The following MYO18B variants were observed in gnomAD, a reference collection of about 807,000 sequenced individuals.
MYO18B encodes unconventional myosin-XVIIIb.
Under a neutral mutation model 273.0 loss-of-function variants are expected in MYO18B, and 204 were observed. The ratio of observed to expected loss-of-function variants is 0.75; its 90% CI spans 0.67 to 0.84. The LOEUF (loss-of-function observed/expected upper bound fraction) is 0.84, where lower values mean the gene tolerates loss of function less well. MYO18B is among the 40% of genes least tolerant of loss of function. The pLI, the probability that MYO18B is intolerant of heterozygous loss-of-function variation, is 0.00. For missense variants in MYO18B, 3,212 were observed against 3,287.6 expected (o/e 0.98, Z 0.56); for synonymous variants, 1,330 against 1,305.7 (o/e 1.02, Z -0.40).
intron 40 of MYO18B, among the ~76,000 whole-genome samples, chr22:25,993,229 C>T (rs1360767850): frequency 1.3e-5 from 2 of 152,088 alleles, no homozygotes; most frequent in Admixed American, 6.6e-5. Context: ...CCAGGCTGTC[C>T]AACTCCTGTA....
At chr22:25,767,360 C>A (rs1013962160) in intron 3 of MYO18B, among the ~76,000 whole-genome samples, 2 of 152,102 alleles carry the variant, frequency 1.3e-5, no homozygotes, top group African/African-American at 4.8e-5. Flanking sequence ...GAAACCAGGG[C>A]CCTCAGCTGG....
rs573859360 is a variant in MYO18B at position 25,866,644 on chromosome 22, TC to T, written c.3886-1674del. Among the ~76,000 whole-genome samples the T allele has an allele frequency of 4.9e-3, 740 of 152,056 alleles. 7 individuals carry two copies. Among genetic ancestry groups the T allele is most frequent in the African/African-American group, 0.017 (715 of 41,492 alleles). On this transcript the variant is annotated intron_variant, in intron 21 of 43. Coordinates refer to ENST00000335473, the MANE Select transcript of MYO18B (RefSeq NM_032608.7). ...TCATGAGGTCAAGAGATGGAGACCA[TC>T]CTGGCTAACATGGTGAAACCTCGTC...
At position 26,020,162 on chromosome 22, in the gene MYO18B, G is replaced by A. The variant is rs141411569; in HGVS notation, c.6471-6283G>A. 3.6e-4 allele frequency among the ~76,000 whole-genome samples: 55 copies of A among 152,224 alleles called. No homozygotes were observed. In the East Asian group the frequency reaches 0.01, roughly 28 times the overall value. ...TTCCTCATTTGCAAGATGGGATGAT[G>A]CCTCTGATTTTGATGCGGTGATGCT... On this transcript the variant is annotated intron_variant, in intron 42 of 43. Coordinates refer to ENST00000335473, the MANE Select transcript of MYO18B (RefSeq NM_032608.7).
Position 26,027,192 on chromosome 22 carries a change from C to T in MYO18B, c.7218C>T (p.Phe2406=). 6.2e-7 allele frequency: 1 copy of T among 1,613,908 alleles called. No homozygotes were observed. The highest frequency in any genetic ancestry group is 8.5e-7 in the Non-Finnish European group (1 of 1,179,884). The change falls in exon 43 of 44, where the codon TTC becomes TTT. Residue 2406 remains phenylalanine, a synonymous_variant. Coordinates refer to ENST00000335473, the MANE Select transcript of MYO18B (RefSeq NM_032608.7). The surrounding 1 kb of genome is among the most constrained non-coding windows in gnomAD (Gnocchi z 4.1). The part of the protein sequence containing the change: ...CPDLGKEPLV[F]QNRQFAHLME... ...ACCTTGGAAAGGAGCCGCTTGTTTT[C>T]CAGAACCGCCAGTTTGCCCACCTGA...
chr22:25,905,347 A>G (rs986991191), intron 31 of MYO18B, among the ~76,000 whole-genome samples: 14 of 152,164 alleles, frequency 9.2e-5, no homozygotes, highest in African/African-American at 3.4e-4. Flanking sequence ...GTCAGCCTGT[A>G]TTTATTAAGT....
the MYO18B span, among the ~76,000 whole-genome samples, chr22:26,062,212 G>A: frequency 2.4e-4 from 36 of 152,066 alleles, no homozygotes; most frequent in African/African-American, 8.7e-4. Context: ...GGTATGGGTG[G>A]GACTGACCTT....
intron 11 of MYO18B, among the ~76,000 whole-genome samples, chr22:25,797,296 A>G (rs966276660): frequency 3.3e-5 from 5 of 152,180 alleles, no homozygotes; most frequent in African/African-American, 4.8e-5. Flanking sequence ...CCCTTTGCTC[A>G]TGTGGTTCCC....
intron 12 of MYO18B, among the ~76,000 whole-genome samples, chr22:25,813,310 A>G (rs760054028): frequency 2.0e-5 from 3 of 148,908 alleles, no homozygotes; most frequent in Non-Finnish European, 4.5e-5. Flanking sequence ...TCAGCCTCCC[A>G]AGTAGCTGGG....
At chr22:25,918,474 C>T (rs117257942) in intron 33 of MYO18B, among the ~76,000 whole-genome samples, 7 of 152,320 alleles carry the variant, frequency 4.6e-5, no homozygotes, top group Non-Finnish European at 1.0e-4. Context: ...AAGGGAAACT[C>T]GCAGAATGAC....
At chr22:25,953,646 T>A (rs961464384) in intron 38 of MYO18B, 1 of 152,216 alleles carries the variant, frequency 6.6e-6, no homozygotes, top group African/African-American at 2.4e-5. Context: ...CAGATCACCA[T>A]GAAACTTTGA....
intron 39 of MYO18B, among the ~76,000 whole-genome samples, chr22:25,989,658 C>T (rs1312227031): frequency 7.5e-6 from 1 of 134,058 alleles, no homozygotes; most frequent in African/African-American, 2.8e-5. Context: ...AAAAAGCCAG[C>T]GTGGTGGCAG....
rs78339541 is a variant in MYO18B, at chr22:25,943,576, C to T, written c.5518-2561C>T. On this transcript the variant is annotated intron_variant, in intron 34 of 43. Transcript: ENST00000335473. ...CTCCTTCTCTGTGCAGCTGCCCTGCCGCACTAGTGAGGTTTCTGTTCCTCA... is the reference window on the plus strand; with the variant it reads ...CTCCTTCTCTGTGCAGCTGCCCTGCTGCACTAGTGAGGTTTCTGTTCCTCA... Among the ~76,000 whole-genome samples, 1,006 of 152,266 alleles carry T rather than the reference C, an allele frequency of 6.6e-3. 13 individuals are homozygous for T. The highest frequency in any genetic ancestry group is 0.022 in the African/African-American group (922 of 41,538).
the MYO18B span, among the ~76,000 whole-genome samples, chr22:26,051,339 T>G: frequency 8.8e-5 from 13 of 147,112 alleles, no homozygotes; most frequent in East Asian, 2.6e-3. Context: ...TTCTCCTGCC[T>G]CAGCCTCCTG....
intron 12 of MYO18B, among the ~76,000 whole-genome samples, chr22:25,810,422 A>G (rs903844174): frequency 8.5e-4 from 92 of 108,644 alleles, no homozygotes; most frequent in Admixed American, 7.4e-4. Flanking sequence ...TTTTTTTTTT[A>G]ATAGGCTATA....
chr22:25,885,037 T>G (rs966499413), intron 25 of MYO18B, among the ~76,000 whole-genome samples: 1 of 152,188 alleles, frequency 6.6e-6, no homozygotes, highest in Non-Finnish European at 1.5e-5. Context: ...GTAGACAGTT[T>G]TATACCCTTC....
intron 39 of MYO18B, among the ~76,000 whole-genome samples, chr22:25,970,466 A>T (rs1407952718): frequency 6.6e-6 from 1 of 151,982 alleles, no homozygotes; most frequent in Non-Finnish European, 1.5e-5. Flanking sequence ...GCTTCATTGG[A>T]ATTCTGCCTT....
chr22:25,852,478 C>T (rs960069959), intron 21 of MYO18B, among the ~76,000 whole-genome samples: 3 of 152,250 alleles, frequency 2.0e-5, no homozygotes, highest in Non-Finnish European at 2.9e-5. Context: ...CCAACTACAC[C>T]GTAAACTCAT....
In MYO18B at chr22:25,975,011, C is replaced by T. The variant is rs574390969; in HGVS notation, c.6157-17352C>T. On this transcript the variant is annotated intron_variant, in intron 39 of 43. Transcript: ENST00000335473. ...TGGGGGAGACTGTTGGAATCAATGC[C>T]TGGCTTCCAAAGTTCTGGAAGACCT... Among the ~76,000 whole-genome samples, 16 of 152,278 alleles carry T rather than the reference C, an allele frequency of 1.1e-4. No homozygotes were observed. In the South Asian group the frequency reaches 3.3e-3, roughly 32 times the overall value.
intron 21 of MYO18B, among the ~76,000 whole-genome samples, chr22:25,867,619 A>ATTTCTTTC (rs143349723): frequency 0.53 from 79,437 of 150,588 alleles, 20,967 homozygotes; most frequent in South Asian, 0.6. Context: ...CAAGACCCTG[A>ATTTCTTTC]TTTCTTTCTT....
Sources: allele counts gnomAD v4.1 joint callset (sites outside exome capture counted in the v4.1 genomes callset), GRCh38; gene constraint gnomAD v4.1.1; non-coding constraint Gnocchi (gnomAD v3.1); transcripts MANE v1.5; gene names NCBI Gene and HGNC (gene_info 2026-07-23, HGNC 2026-07-21).